The following VAV1 variants were observed in gnomAD, a reference collection of about 807,000 sequenced individuals.
VAV1 encodes the protein proto-oncogene vav.
Under a neutral mutation model 128.1 loss-of-function variants are expected in VAV1, and 33 were observed. The ratio of observed to expected loss-of-function variants is 0.26; its 90% CI spans 0.20 to 0.34. The LOEUF (loss-of-function observed/expected upper bound fraction) is 0.34. Among genes scored for constraint, VAV1 ranks in the 10% least tolerant of loss-of-function variants. The pLI is 1.00. For synonymous variants in VAV1, 394 were observed against 409.8 expected (o/e 0.96, Z 0.47); for missense variants, 715 against 1,093.7 (o/e 0.65, Z 4.88).
intron 19 of VAV1, among the ~76,000 whole-genome samples, chr19:6,835,112 G>A (rs995511065): frequency 4.0e-5 from 6 of 151,688 alleles, no homozygotes; most frequent in African/African-American, 1.5e-4. Context: ...TACTTACTAT[G>A]TAATTAGCAA....
At position 6,833,042 on chromosome 19, in the gene VAV1, G is replaced by A. The variant is rs1972124041; in HGVS notation, c.1509-142G>A. 6 of 690,140 alleles carry A rather than the reference G, an allele frequency of 8.7e-6. No homozygotes were observed. The East Asian group carries it at 1.7e-4, about 19-fold the overall frequency. The allele number at this position is 690,140 out of a possible 1,614,324, so 42.8% of individuals were successfully genotyped here. A position where few individuals can be genotyped will look rare whatever the true frequency, so the allele number is the denominator to read the frequency against. On this transcript the variant is annotated intron_variant, in intron 15 of 26. Transcript: ENST00000602142. ...GCAGCACGATTCAGTGTGGCCAAAG[G>A]GTGAAAACGACCCAAAAGCCAATCA...
chr19:6,824,237 G>A (rs112687554), intron 6 of VAV1, among the ~76,000 whole-genome samples: 53 of 152,140 alleles, frequency 3.5e-4, no homozygotes, highest in African/African-American at 1.2e-3. Flanking sequence ...CACCACCCCG[G>A]CCTTAATTTT....
rs941692426 is a variant in VAV1 at position 6,777,974 on chromosome 19, T to C, written c.204+4963T>C. Among the ~76,000 whole-genome samples the C allele has an allele frequency of 6.6e-6, 1 of 151,980 alleles. No homozygotes were observed. Among genetic ancestry groups the C allele is most frequent in the African/African-American group, 2.4e-5 (1 of 41,402 alleles). On this transcript the variant is annotated intron_variant, in intron 1 of 26. Coordinates refer to ENST00000602142, the MANE Select transcript of VAV1 (RefSeq NM_005428.4). The surrounding 1 kb of genome is among the most constrained non-coding windows in gnomAD (Gnocchi z 4.4). ...TGCCACCACGCCTGGCTAATTTCTG[T>C]TGCCCAGGCTGGAGTACAGTGGCAT...
At chr19:6,834,314 G>A (rs747917503) in intron 19 of VAV1, among the ~76,000 whole-genome samples, 4 of 150,890 alleles carry the variant, frequency 2.7e-5, no homozygotes, top group African/African-American at 9.7e-5. Context: ...TGTGATCTTG[G>A]CTCACTACAA....
At chr19:6,824,141 A>G (rs1971858825) in intron 6 of VAV1, among the ~76,000 whole-genome samples, 2 of 151,756 alleles carry the variant, frequency 1.3e-5, no homozygotes. Context: ...GGGTCTTGCT[A>G]TGTTGCCCAG....
At chr19:6,798,088 C>A (rs1971180589) in intron 1 of VAV1, among the ~76,000 whole-genome samples, 1 of 152,102 alleles carries the variant, frequency 6.6e-6, no homozygotes, top group Non-Finnish European at 1.5e-5. Flanking sequence ...ACCAGCCTAG[C>A]CAACATGGTG....
chr19:6,797,698 C>G (rs1043664849), intron 1 of VAV1, among the ~76,000 whole-genome samples: 25 of 145,806 alleles, frequency 1.7e-4, no homozygotes, highest in African/African-American at 6.4e-4. Context: ...AGTGAAAGAT[C>G]GCGCCATTGC....
At chr19:6,774,772 T>C (rs1376219527) in intron 1 of VAV1, among the ~76,000 whole-genome samples, 1 of 150,950 alleles carries the variant, frequency 6.6e-6, no homozygotes, top group African/African-American at 2.4e-5. Context: ...TTTTATTTTT[T>C]GAGATGGAGT....
At chr19:6,838,081 ATCTG>A (rs1257293279) in intron 21 of VAV1, among the ~76,000 whole-genome samples, 11 of 133,406 alleles carry the variant, frequency 8.2e-5, no homozygotes, top group South Asian at 5.3e-4. Flanking sequence ...TTCTGCCCTC[ATCTG>A]TCTGTCTGTC....
At chr19:6,819,399 C>A (rs1295059244) in intron 1 of VAV1, among the ~76,000 whole-genome samples, 8 of 152,208 alleles carry the variant, frequency 5.3e-5, no homozygotes. Context: ...CCTACTGACA[C>A]CTTGATCTTG....
chr19:6,804,555 T>G (rs1263362120), intron 1 of VAV1, among the ~76,000 whole-genome samples: 1 of 151,800 alleles, frequency 6.6e-6, no homozygotes, highest in South Asian at 2.1e-4. Context: ...TAGCTGGGAT[T>G]ACAGGCGCGT....
intron 1 of VAV1, among the ~76,000 whole-genome samples, chr19:6,808,556 T>G (rs1971447885): frequency 6.6e-6 from 1 of 152,232 alleles, no homozygotes; most frequent in Non-Finnish European, 1.5e-5. Flanking sequence ...CAGCTCCTCC[T>G]GTTCTGTTCT....
At chr19:6,818,804 A>G (rs1394415653) in intron 1 of VAV1, among the ~76,000 whole-genome samples, 1 of 152,076 alleles carries the variant, frequency 6.6e-6, no homozygotes, top group South Asian at 2.1e-4. Flanking sequence ...GAACCTACAA[A>G]TATCTAGTCC....
At chr19:6,778,356 AC>A (rs1260405261) in intron 1 of VAV1, among the ~76,000 whole-genome samples, 1 of 152,098 alleles carries the variant, frequency 6.6e-6, no homozygotes, top group Non-Finnish European at 1.5e-5. Flanking sequence ...AGCTGGTTAG[AC>A]CTAGGATGTG....
At chr19:6,787,573 G>GATTTATTTATTTATTTATTT (rs74174839) in intron 1 of VAV1, among the ~76,000 whole-genome samples, 32 of 147,196 alleles carry the variant, frequency 2.2e-4, no homozygotes, top group East Asian at 1.6e-3. Flanking sequence ...AACTACTCCA[G>GATTTATTTATTTATTTATTT]ATTTATTTAT....
At chr19:6,804,988 C>A in intron 1 of VAV1, among the ~76,000 whole-genome samples, 1 of 151,758 alleles carries the variant, frequency 6.6e-6, no homozygotes, top group Non-Finnish European at 1.5e-5. Context: ...GCCTCAGCCT[C>A]CCTAAGTGCT....
chr19:6,850,647 G>A, intron 23 of VAV1, 23 bp from the exon 24 acceptor site: 1 of 1,612,984 alleles, frequency 6.2e-7, no homozygotes, highest in Non-Finnish European at 8.5e-7. Flanking sequence ...CAGACTCAGG[G>A]CCCGGTGACC....
In VAV1 at chr19:6,822,127, A is replaced by T; in HGVS notation, c.450-94A>T. ...TTGGAGTCTGAGGTCCCACCCTTGG[A>T]GTCTTGGGGGGACAAAGCCCTGCGC... is the stretch of plus-strand genomic sequence containing the variant. On this transcript the variant is annotated intron_variant, in intron 4 of 26. Coordinates refer to ENST00000602142, the MANE Select transcript of VAV1 (RefSeq NM_005428.4). This position sits in a 1 kb window ranked among gnomAD's most constrained non-coding sequence, Gnocchi z 5.9. 1.6e-6 allele frequency: 2 copies of T among 1,278,858 alleles called. No individual in the cohort carries two copies. Among genetic ancestry groups the T allele is most frequent in the Non-Finnish European group, 2.2e-6 (2 of 909,716 alleles). 79.2% of individuals were successfully genotyped at this position (1,278,858 alleles called of 1,614,324 possible).
At chr19:6,834,706 T>C in intron 19 of VAV1, among the ~76,000 whole-genome samples, 1 of 147,042 alleles carries the variant, frequency 6.8e-6, no homozygotes, top group Middle Eastern at 3.6e-3. Flanking sequence ...TATATGTATA[T>C]ATAATATATC....
Sources: gnomAD v4.1 joint callset for allele counts (sites outside exome capture counted in the v4.1 genomes callset) on GRCh38, gnomAD v4.1.1 for gene constraint, Gnocchi (gnomAD v3.1) non-coding constraint, MANE v1.5 for transcripts, NCBI Gene and HGNC (gene_info 2026-07-23, HGNC 2026-07-21) for gene names.